The following INO80D variants were observed in gnomAD, a reference collection of about 807,000 sequenced individuals.
INO80D encodes the protein INO80 complex subunit D.
INO80D carries 21 observed loss-of-function variants against 87.6 expected under a neutral mutation model. The ratio of observed to expected loss-of-function variants is 0.24; its 90% CI spans 0.17 to 0.35. The LOEUF (loss-of-function observed/expected upper bound fraction) is 0.35. Among genes scored for constraint, INO80D ranks in the 10% least tolerant of loss-of-function variants. INO80D has a pLI of 1.00. For missense variants in INO80D, 982 were observed against 1,280.7 expected, an observed-to-expected ratio of 0.77 and a Z score of 3.56; for synonymous variants, 440 against 491.0, an observed-to-expected ratio of 0.90 and a Z score of 1.37.
chr2:206,074,875 G>A (rs976570579), intron 1 of INO80D, among the ~76,000 whole-genome samples: 3 of 152,154 alleles, frequency 2.0e-5, no homozygotes, highest in South Asian at 2.1e-4. Context: ...GGAGGCAGAG[G>A]TTGCTGTGAG....
chr2:206,040,492 G>A, intron 5 of INO80D: 1 of 213,956 alleles, frequency 4.7e-6, no homozygotes. Context: ...TATTCTGGCT[G>A]AACACAAAGC....
chr2:206,015,943 A>T (rs1015058877), intron 8 of INO80D, among the ~76,000 whole-genome samples: 1 of 151,972 alleles, frequency 6.6e-6, no homozygotes, highest in Non-Finnish European at 1.5e-5. Flanking sequence ...TTGCTGTAGG[A>T]GTGGGGCCCT....
chr2:206,009,527 GA>G, intron 9 of INO80D, 49 bp downstream of exon 9: 1 of 1,478,888 alleles, frequency 6.8e-7, no homozygotes, highest in African/African-American at 1.4e-5. Flanking sequence ...GATGTTCTGA[GA>G]AGAATCCCAA....
At chr2:206,042,262 A>T (rs1048603801) in intron 5 of INO80D, among the ~76,000 whole-genome samples, 17 of 152,214 alleles carry the variant, frequency 1.1e-4, no homozygotes, top group Non-Finnish European at 2.9e-5. Flanking sequence ...GATCTCAGTC[A>T]ACTGACTTAA....
At chr2:206,084,273 A>ACT (rs1553623578) in intron 1 of INO80D, among the ~76,000 whole-genome samples, 7 of 144,398 alleles carry the variant, frequency 4.8e-5, no homozygotes, top group African/African-American at 1.8e-4. Flanking sequence ...ACACACACAC[A>ACT]CCCCAAAACC....
intron 5 of INO80D, among the ~76,000 whole-genome samples, chr2:206,030,952 G>C (rs1688749259): frequency 6.6e-6 from 1 of 152,190 alleles, no homozygotes; most frequent in Non-Finnish European, 1.5e-5. Context: ...AGCAGGACTG[G>C]AGAGCATGAG....
intron 1 of INO80D, among the ~76,000 whole-genome samples, chr2:206,073,452 T>C (rs1690026807): frequency 6.6e-6 from 1 of 152,192 alleles, no homozygotes; most frequent in African/African-American, 2.4e-5. Flanking sequence ...CACATAATCT[T>C]AATCAAATGT....
chr2:206,072,845 T>C (rs1243959396), intron 1 of INO80D, among the ~76,000 whole-genome samples: 1 of 135,746 alleles, frequency 7.4e-6, no homozygotes, highest in African/African-American at 3.1e-5. Context: ...AACTTTCTTC[T>C]CTTTTTTTTT....
chr2:206,064,555 C>A (rs911334616), intron 1 of INO80D, among the ~76,000 whole-genome samples: 5 of 152,172 alleles, frequency 3.3e-5, no homozygotes, highest in African/African-American at 1.2e-4. Context: ...TTGAACAAAT[C>A]ATTTAACCTA....
At chr2:206,049,396 G>A (rs1689286418) in intron 4 of INO80D, among the ~76,000 whole-genome samples, 2 of 152,292 alleles carry the variant, frequency 1.3e-5, no homozygotes, top group East Asian at 3.9e-4. Context: ...TCAGTGTGTT[G>A]AAAGGTAAGG....
Position 206,004,926 on chromosome 2 carries a change from A to G in INO80D, c.2526T>C (p.His842=), listed in dbSNP as rs1687983600. Reference sequence around the variant, plus strand: ...ACGATGTTGTGTGGGGAGAGGTGATATGGTCACTGTAGGGAGACGGCACAT... The same window carrying G: ...ACGATGTTGTGTGGGGAGAGGTGATGTGGTCACTGTAGGGAGACGGCACAT... ...SEHVPSPYSD[H]ITSPHTTSYS... The change falls in exon 11 of 11, where the codon CAT becomes CAC. Residue 842 remains histidine, a synonymous_variant. Transcript: ENST00000403263. The surrounding 1 kb of genome is among the most constrained non-coding windows in gnomAD (Gnocchi z 4.9). The G allele has an allele frequency of 6.2e-7, 1 of 1,613,876 alleles. No individual in the cohort carries two copies. The highest frequency in any genetic ancestry group is 1.3e-5 in the African/African-American group (1 of 74,926).
intron 1 of INO80D, among the ~76,000 whole-genome samples, chr2:206,071,102 G>T (rs1689953449): frequency 6.6e-6 from 1 of 151,556 alleles, no homozygotes; most frequent in Admixed American, 6.6e-5. Context: ...GGGATTACAG[G>T]TGCATGCCAC....
intron 1 of INO80D, among the ~76,000 whole-genome samples, chr2:206,066,804 C>CAAAAAAA (rs374391311): frequency 3.1e-5 from 3 of 97,970 alleles, no homozygotes; most frequent in Admixed American, 9.7e-5. Context: ...GACTCCATCA[C>CAAAAAAA]AAAAAAAAAA....
intron 1 of INO80D, among the ~76,000 whole-genome samples, chr2:206,071,217 C>A (rs1689957424): frequency 7.0e-6 from 1 of 142,094 alleles, no homozygotes; most frequent in African/African-American, 2.6e-5. Context: ...CCTCAGCCTC[C>A]CAAAGTGCTG....
rs2105791416 is a variant in INO80D at position 206,004,136 on chromosome 2, A to C, written c.*232T>G. The C allele has an allele frequency of 1.7e-6, 1 of 572,234 alleles. No individual in the cohort carries two copies. The highest frequency in any genetic ancestry group is 2.1e-5 in the South Asian group (1 of 46,544). The allele number at this position is 572,234 out of a possible 1,614,324, so 35.4% of individuals were successfully genotyped here. A position where few individuals can be genotyped will look rare whatever the true frequency, so the allele number is the denominator to read the frequency against. On this transcript the variant is annotated 3_prime_UTR_variant, in exon 11 of 11. Coordinates refer to ENST00000403263, the MANE Select transcript of INO80D (RefSeq NM_017759.5). The surrounding 1 kb of genome is among the most constrained non-coding windows in gnomAD (Gnocchi z 4.9). ...GTCACTGTGCTGAACCACTAAGGAA[A>C]CCACTGGGGCGGAGTGGGCCTGCCA...
At chr2:206,083,631 A>AAAAG (rs1690344447) in intron 1 of INO80D, among the ~76,000 whole-genome samples, 1 of 152,198 alleles carries the variant, frequency 6.6e-6, no homozygotes, top group African/African-American at 2.4e-5. Context: ...AGACGAAAGG[A>AAAAG]AAAGAAAGGC....
At chr2:206,009,865 C>T in intron 8 of INO80D, 71 bp from the exon 9 acceptor site, 1 of 1,222,948 alleles carries the variant, frequency 8.2e-7, no homozygotes, top group Non-Finnish European at 1.1e-6. Context: ...CTAAAAAATA[C>T]TTACATCCCT....
intron 4 of INO80D, among the ~76,000 whole-genome samples, chr2:206,050,827 G>C (rs1268566270): frequency 1.3e-5 from 2 of 152,066 alleles, no homozygotes; most frequent in East Asian, 3.9e-4. Flanking sequence ...AAATTAGCTG[G>C]GCGTGGTCGC....
Position 206,017,828 on chromosome 2 carries a change from G to A in INO80D, c.1409-15C>T. 1 of 1,591,580 alleles carries A rather than the reference G, an allele frequency of 6.3e-7. No homozygotes were observed. Among genetic ancestry groups the A allele is most frequent in the Non-Finnish European group, 8.5e-7 (1 of 1,174,132 alleles). The stretch of plus-strand genomic sequence containing the variant: ...CAAGAGGATATCTGGGTTTTTTTAA[G>A]TTAGGAGTAAAATACACTGAAACTC... On this transcript the variant is annotated splice_polypyrimidine_tract_variant and intron_variant, in intron 7 of 10. Transcript: ENST00000403263.
Sources: gnomAD v4.1 joint callset for allele counts (sites outside exome capture counted in the v4.1 genomes callset) on GRCh38, gnomAD v4.1.1 for gene constraint, Gnocchi (gnomAD v3.1) non-coding constraint, MANE v1.5 for transcripts, NCBI Gene and HGNC (gene_info 2026-07-23, HGNC 2026-07-21) for gene names.